The following NEK10 variants were observed in gnomAD, a reference collection of about 807,000 sequenced individuals.
NEK10 encodes the protein serine/threonine-protein kinase Nek10.
In NEK10, 122 loss-of-function variants were observed where a neutral mutation model predicts 159.8. The ratio of observed to expected loss-of-function variants is 0.76; its 90% CI spans 0.66 to 0.89. The LOEUF is 0.89. NEK10 is among the 40% of genes least tolerant of loss of function. The probability of loss-of-function intolerance (pLI) is 0.00; values close to 1 mark genes in which losing one functional copy is unlikely to be tolerated. For synonymous variants in NEK10, 466 were observed against 457.1 expected (o/e 1.02, Z -0.25); for missense variants, 1,342 against 1,323.1 (o/e 1.01, Z -0.22).
intron 6 of NEK10, among the ~76,000 whole-genome samples, chr3:27,319,418 A>G (rs1185608896): frequency 6.6e-6 from 1 of 152,214 alleles, no homozygotes; most frequent in Non-Finnish European, 1.5e-5. Flanking sequence ...TCCAGTCTAC[A>G]AGCCACCAGT....
At position 27,110,423 on chromosome 3, in the gene NEK10, G is replaced by A. The variant is rs930109536; in HGVS notation, c.*849C>T. 2.6e-5 allele frequency: 4 copies of A among 152,072 alleles called. No homozygotes were observed. The highest frequency in any genetic ancestry group is 9.7e-5 in the African/African-American group (4 of 41,404). 9.4% of individuals were successfully genotyped at this position (152,072 alleles called of 1,614,324 possible). On this transcript the variant is annotated 3_prime_UTR_variant, in exon 36 of 36. Transcript: ENST00000691995. ...CAATTTAGGTAATTGTAATAAGGAG[G>A]GATTTAGGATGAGGAATATTGCATC...
intron 26 of NEK10, among the ~76,000 whole-genome samples, chr3:27,175,798 CAG>C (rs2148889659): frequency 6.6e-6 from 1 of 152,170 alleles, no homozygotes; most frequent in East Asian, 1.9e-4. Context: ...GGATAACAGG[CAG>C]AGAGTGTGAG....
intron 23 of NEK10, among the ~76,000 whole-genome samples, chr3:27,217,521 G>A (rs896225221): frequency 6.6e-6 from 1 of 152,064 alleles, no homozygotes. Flanking sequence ...CCACCAAAGT[G>A]GGACATCCGC....
chr3:27,235,349 T>G (rs958579455), intron 23 of NEK10, among the ~76,000 whole-genome samples: 2 of 152,144 alleles, frequency 1.3e-5, no homozygotes, highest in Non-Finnish European at 2.9e-5. Flanking sequence ...TGGGAGATAA[T>G]TTTTGCAAAC....
chr3:27,249,355 CTCTT>C (rs1955424608), intron 23 of NEK10, among the ~76,000 whole-genome samples: 2 of 152,116 alleles, frequency 1.3e-5, no homozygotes, highest in East Asian at 1.9e-4. Context: ...TTGTCCATCT[CTCTT>C]TCTTTCACTC....
At chr3:27,193,564 C>T (rs1366912048) in intron 25 of NEK10, among the ~76,000 whole-genome samples, 2 of 150,308 alleles carry the variant, frequency 1.3e-5, no homozygotes, top group Middle Eastern at 3.2e-3. Context: ...CTCTCCTATA[C>T]CCCCATTTCT....
At chr3:27,239,805 C>T (rs372348881) in intron 23 of NEK10, among the ~76,000 whole-genome samples, 54 of 152,116 alleles carry the variant, frequency 3.5e-4, no homozygotes, top group African/African-American at 1.3e-3. Context: ...CTTTGCCTGG[C>T]CACTAAACCC....
chr3:27,332,391 G>A (rs1346741420), intron 5 of NEK10, among the ~76,000 whole-genome samples: 1 of 152,030 alleles, frequency 6.6e-6, no homozygotes, highest in Non-Finnish European at 1.5e-5. Context: ...GAATATATTG[G>A]AAGGATTCAT....
At chr3:27,134,580 G>T (rs756921420) in intron 31 of NEK10, among the ~76,000 whole-genome samples, 1 of 152,144 alleles carries the variant, frequency 6.6e-6, no homozygotes, top group Admixed American at 6.5e-5. Context: ...GAATTCTTGC[G>T]ATTTATTTAA....
chr3:27,148,007 A>G (rs1262005778), intron 30 of NEK10, among the ~76,000 whole-genome samples: 2 of 152,224 alleles, frequency 1.3e-5, no homozygotes, highest in Non-Finnish European at 2.9e-5. Flanking sequence ...TTGCACCCCA[A>G]TATAAAAAAT....
intron 31 of NEK10, among the ~76,000 whole-genome samples, chr3:27,140,675 G>A (rs1943695824): frequency 6.6e-6 from 1 of 152,170 alleles, no homozygotes; most frequent in Non-Finnish European, 1.5e-5. Context: ...TGCCAAAACT[G>A]GCAGCTGACA....
At chr3:27,141,636 G>T in intron 30 of NEK10, 54 bp from the exon 31 acceptor site, 19 of 1,362,264 alleles carry the variant, frequency 1.4e-5, no homozygotes, top group Non-Finnish European at 2.0e-5. Flanking sequence ...AGTTACATTA[G>T]TGAAAAAATG....
At chr3:27,157,221 T>C (rs1413795319) in intron 30 of NEK10, among the ~76,000 whole-genome samples, 1 of 151,578 alleles carries the variant, frequency 6.6e-6, no homozygotes, top group Non-Finnish European at 1.5e-5. Flanking sequence ...ACTACAAATA[T>C]GGTGCAGTGT....
intron 20 of NEK10, among the ~76,000 whole-genome samples, chr3:27,286,960 C>G (rs902575958): frequency 7.2e-5 from 11 of 152,036 alleles, no homozygotes; most frequent in African/African-American, 2.7e-4. Flanking sequence ...AATACACACA[C>G]AAAAGGTTTT....
At position 27,107,440 on chromosome 3, in the gene NEK10, G is replaced by A. The variant is rs985845827; in HGVS notation, c.*3832C>T. 2.0e-5 allele frequency among the ~76,000 whole-genome samples: 3 copies of A among 152,000 alleles called. No individual in the cohort carries two copies. Among genetic ancestry groups the A allele is most frequent in the African/African-American group, 7.2e-5 (3 of 41,382 alleles). ...TCTTCCTATCAATATGAAAAACAGC[G>A]TTCAAGTGTAAGCATATTGTTAGCA... On this transcript the variant is annotated 3_prime_UTR_variant, in exon 36 of 36. Coordinates refer to ENST00000691995, the MANE Select transcript of NEK10 (RefSeq NM_001394966.1).
At chr3:27,218,431 C>G (rs1285890964) in intron 23 of NEK10, among the ~76,000 whole-genome samples, 3 of 151,846 alleles carry the variant, frequency 2.0e-5, no homozygotes, top group African/African-American at 7.3e-5. Flanking sequence ...ACAGTGAAAC[C>G]CTGCCTCTAC....
intron 3 of NEK10, among the ~76,000 whole-genome samples, chr3:27,347,992 C>T (rs531627478): frequency 7.2e-5 from 11 of 152,256 alleles, no homozygotes; most frequent in African/African-American, 2.4e-4. Context: ...AAGCATAGTT[C>T]TAATTGCTTT....
intron 33 of NEK10, among the ~76,000 whole-genome samples, chr3:27,117,435 T>C (rs537380664): frequency 1.3e-5 from 2 of 152,306 alleles, no homozygotes; most frequent in African/African-American, 4.8e-5. Context: ...CTAATTTACA[T>C]TCCCAGCAAC....
chr3:27,147,275 G>A (rs1944390074), intron 30 of NEK10, among the ~76,000 whole-genome samples: 1 of 152,206 alleles, frequency 6.6e-6, no homozygotes, highest in Admixed American at 6.5e-5. Flanking sequence ...CTGAGACACT[G>A]AGAATATGAT....
Sources: gnomAD v4.1 joint callset for allele counts (sites outside exome capture counted in the v4.1 genomes callset) on GRCh38, gnomAD v4.1.1 for gene constraint, MANE v1.5 for transcripts, NCBI Gene and HGNC (gene_info 2026-07-23, HGNC 2026-07-21) for gene names.